Variants in PLXDC2 observed in about 807,000 individuals in gnomAD.
PLXDC2 encodes the protein plexin domain-containing protein 2.
In PLXDC2, 40 loss-of-function variants were observed where a neutral mutation model predicts 68.9. The observed-to-expected ratio is 0.58, with a 90% confidence interval of 0.45 to 0.76. PLXDC2 has a LOEUF of 0.76. PLXDC2 is among the 30% of genes least tolerant of loss of function. The pLI, the probability that PLXDC2 is intolerant of heterozygous loss-of-function variation, is 0.00. For missense variants in PLXDC2, 644 were observed against 661.9 expected, an observed-to-expected ratio of 0.97 and a Z score of 0.30; for synonymous variants, 243 against 234.2, an observed-to-expected ratio of 1.04 and a Z score of -0.34.
chr10:19,937,533 T>A (rs1183983956), intron 1 of PLXDC2, among the ~76,000 whole-genome samples: 3 of 131,890 alleles, frequency 2.3e-5, no homozygotes, highest in Non-Finnish European at 4.8e-5. Context: ...ACATATCACA[T>A]TATAGTCAAT....
chr10:20,225,807 G>A (rs1333638397), intron 12 of PLXDC2, among the ~76,000 whole-genome samples: 1 of 143,062 alleles, frequency 7.0e-6, no homozygotes, highest in African/African-American at 3.0e-5. Flanking sequence ...TGGAACCTGA[G>A]CACCAATTTT....
At chr10:19,897,079 CAGG>C (rs974217860) in intron 1 of PLXDC2, among the ~76,000 whole-genome samples, 8 of 152,158 alleles carry the variant, frequency 5.3e-5, no homozygotes, top group Admixed American at 3.9e-4. Flanking sequence ...TTTCTGCCCT[CAGG>C]AGTTTTACAC....
At chr10:19,924,658 T>C (rs1478061695) in intron 1 of PLXDC2, among the ~76,000 whole-genome samples, 1 of 152,216 alleles carries the variant, frequency 6.6e-6, no homozygotes, top group East Asian at 1.9e-4. Context: ...TGTATTTAAC[T>C]CTTAGGCAGT....
At chr10:20,060,883 A>C (rs1374325531) in intron 3 of PLXDC2, among the ~76,000 whole-genome samples, 1 of 152,156 alleles carries the variant, frequency 6.6e-6, no homozygotes, top group African/African-American at 2.4e-5. Flanking sequence ...AGAAATATAG[A>C]AATTATACAG....
intron 13 of PLXDC2, among the ~76,000 whole-genome samples, chr10:20,263,812 A>G (rs988136044): frequency 1.3e-5 from 2 of 152,198 alleles, no homozygotes; most frequent in Admixed American, 1.3e-4. Context: ...TAAAAAGTCA[A>G]AAAATAACAG....
At chr10:20,217,909 C>G (rs913994971) in intron 11 of PLXDC2, among the ~76,000 whole-genome samples, 4 of 151,886 alleles carry the variant, frequency 2.6e-5, no homozygotes, top group Non-Finnish European at 4.4e-5. Context: ...TAAGCAAATC[C>G]AACTTCACAA....
At chr10:19,899,331 G>A (rs1327876228) in intron 1 of PLXDC2, among the ~76,000 whole-genome samples, 5 of 152,108 alleles carry the variant, frequency 3.3e-5, no homozygotes, top group South Asian at 4.1e-4. Flanking sequence ...CATAAGGTCC[G>A]ATTTCTTTCC....
intron 1 of PLXDC2, among the ~76,000 whole-genome samples, chr10:19,887,333 C>T (rs920594871): frequency 6.6e-6 from 1 of 152,040 alleles, no homozygotes; most frequent in Non-Finnish European, 1.5e-5. Context: ...CCATCCTGGC[C>T]AATATGGCAA....
chr10:19,916,876 C>G (rs1439493218), intron 1 of PLXDC2, among the ~76,000 whole-genome samples: 2 of 152,142 alleles, frequency 1.3e-5, no homozygotes, highest in Admixed American at 6.5e-5. Context: ...CATTGAGTCT[C>G]TAGAGCAAAA....
At chr10:19,972,907 T>TAATCA (rs2131613036) in intron 1 of PLXDC2, among the ~76,000 whole-genome samples, 1 of 152,256 alleles carries the variant, frequency 6.6e-6, no homozygotes, top group Non-Finnish European at 1.5e-5. Context: ...CCTATCTACA[T>TAATCA]GTAGTGAATA....
intron 9 of PLXDC2, among the ~76,000 whole-genome samples, chr10:20,186,301 T>C (rs1045102880): frequency 9.2e-5 from 14 of 152,090 alleles, no homozygotes; most frequent in Admixed American, 3.9e-4. Flanking sequence ...GATTAGACTT[T>C]AATTGTTTGC....
At chr10:19,924,836 A>G (rs1833512553) in intron 1 of PLXDC2, among the ~76,000 whole-genome samples, 1 of 152,218 alleles carries the variant, frequency 6.6e-6, no homozygotes, top group African/African-American at 2.4e-5. Context: ...CCTGTAATAA[A>G]GGTGACAGGT....
At chr10:20,278,663 A>G (rs1283961872) in intron 13 of PLXDC2, among the ~76,000 whole-genome samples, 3 of 151,988 alleles carry the variant, frequency 2.0e-5, no homozygotes, top group Admixed American at 2.0e-4. Flanking sequence ...TCCCTACCTG[A>G]TGTGAAAAAC....
intron 1 of PLXDC2, among the ~76,000 whole-genome samples, chr10:19,854,643 G>A (rs1008467623): frequency 2.6e-5 from 4 of 152,038 alleles, no homozygotes; most frequent in Middle Eastern, 3.2e-3. Context: ...TTTGGCAAGC[G>A]AAGTTAAAAA....
chr10:20,098,892 A>G (rs908570484), intron 4 of PLXDC2, among the ~76,000 whole-genome samples: 5 of 152,186 alleles, frequency 3.3e-5, no homozygotes, highest in African/African-American at 1.2e-4. Flanking sequence ...CGTGGGCCCT[A>G]TTCTCCACCT....
At position 19,994,127 on chromosome 10, in the gene PLXDC2, A is replaced by G. The variant is rs1834798777; in HGVS notation, c.113-7648A>G. ...CTTCTTACTGATTTCATTAACCACA[A>G]AGAACAGAGATGATGAACTGCAATC... On this transcript the variant is annotated intron_variant, in intron 1 of 13. Coordinates refer to ENST00000377252, the MANE Select transcript of PLXDC2 (RefSeq NM_032812.9). Among the ~76,000 whole-genome samples the G allele has an allele frequency of 2.0e-5, 3 of 152,080 alleles. No homozygotes were observed. In the South Asian group the frequency reaches 6.2e-4, roughly 32 times the overall value.
At chr10:20,079,361 G>C (rs1836510918) in intron 4 of PLXDC2, among the ~76,000 whole-genome samples, 1 of 152,210 alleles carries the variant, frequency 6.6e-6, no homozygotes, top group African/African-American at 2.4e-5. Context: ...AACAACAAAT[G>C]CTGGCAAGGC....
At position 20,112,462 on chromosome 10, in the gene PLXDC2, A is replaced by G. The variant is rs1833571809; in HGVS notation, c.542-30833A>G. On this transcript the variant is annotated intron_variant, in intron 4 of 13. Transcript: ENST00000377252. ...GATCACTGTTTTCCTGAAATAAAGA[A>G]TTCTCCCTTGAGCTCTGACTCGATG... is the stretch of plus-strand genomic sequence containing the variant. Among the ~76,000 whole-genome samples, 5 of 152,188 alleles carry G rather than the reference A, an allele frequency of 3.3e-5. No individual in the cohort carries two copies. The South Asian group carries it at 8.3e-4, about 25-fold the overall frequency.
intron 4 of PLXDC2, among the ~76,000 whole-genome samples, chr10:20,076,347 G>T (rs867685538): frequency 7.9e-5 from 12 of 152,304 alleles, no homozygotes; most frequent in Middle Eastern, 6.8e-3. Flanking sequence ...GAATACTTCA[G>T]TTCATAAGCC....
Sources: gnomAD v4.1 joint callset for allele counts (sites outside exome capture counted in the v4.1 genomes callset) on GRCh38, gnomAD v4.1.1 for gene constraint, MANE v1.5 for transcripts, NCBI Gene and HGNC (gene_info 2026-07-23, HGNC 2026-07-21) for gene names.